The following CACNA1H variants were observed in gnomAD, a reference collection of about 807,000 sequenced individuals.
The protein encoded by CACNA1H is voltage-dependent T-type calcium channel subunit alpha-1H.
In CACNA1H, 149 loss-of-function variants were observed where a neutral mutation model predicts 192.5. That is an observed-to-expected ratio of 0.77 (90% CI 0.68 to 0.89). CACNA1H has a LOEUF of 0.89. Ranked by LOEUF, CACNA1H falls within the 40% of genes least tolerant of loss-of-function variation. The pLI is 0.00. For synonymous variants in CACNA1H, 2,202 were observed against 1,475.2 expected (o/e 1.49, Z -11.29); for missense variants, 4,257 against 3,423.5 (o/e 1.24, Z -6.08).
At chr16:1,203,298 C>T (rs997480090) in intron 9 of CACNA1H, among the ~76,000 whole-genome samples, 3 of 152,314 alleles carry the variant, frequency 2.0e-5, no homozygotes, top group African/African-American at 4.8e-5. Flanking sequence ...ATGTCAGTTT[C>T]GTGTTGGAGT....
At chr16:1,213,711 T>C (rs1969726511) in intron 26 of CACNA1H, 69 bp from the exon 27 acceptor site, 4 of 1,253,498 alleles carry the variant, frequency 3.2e-6, no homozygotes, top group South Asian at 3.2e-5. Context: ...AGGAGGAGAA[T>C]GGAGTCTGCA....
intron 2 of CACNA1H, among the ~76,000 whole-genome samples, chr16:1,154,718 G>A (rs1272439024): frequency 6.6e-6 from 1 of 152,198 alleles, no homozygotes; most frequent in Non-Finnish European, 1.5e-5. Flanking sequence ...CCCCTTCCCT[G>A]GCTGGAGAGG....
At chr16:1,168,296 C>G (rs1345611839) in intron 2 of CACNA1H, among the ~76,000 whole-genome samples, 1 of 152,134 alleles carries the variant, frequency 6.6e-6, no homozygotes, top group African/African-American at 2.4e-5. Flanking sequence ...CTCCTCCCTC[C>G]TAGGGCCTGA....
chr16:1,210,684 C>A, intron 20 of CACNA1H, 33 bp downstream of exon 20: 1 of 1,593,630 alleles, frequency 6.3e-7, no homozygotes, highest in Non-Finnish European at 8.5e-7. Flanking sequence ...CCCTTGTTCC[C>A]AGGTCCCCGT....
chr16:1,196,937 C>A (rs1032773034), intron 5 of CACNA1H, among the ~76,000 whole-genome samples: 1 of 151,732 alleles, frequency 6.6e-6, no homozygotes, highest in African/African-American at 2.4e-5. Context: ...AGATGTGGCC[C>A]CGTGTGTGCA....
rs1031240169 is a variant in CACNA1H at position 1,200,789 on chromosome 16, A to G, written c.1193A>G (p.Tyr398Cys). 8 of 1,552,064 alleles carry G rather than the reference A, an allele frequency of 5.2e-6. No homozygotes were observed. The highest frequency in any genetic ancestry group is 2.0e-5 in the Admixed American group (1 of 51,108). The change falls in exon 8 of 35, where the codon TAT (tyrosine) becomes TGT (cysteine). Residue 398 changes from tyrosine to cysteine, a missense_variant. Tyr to Cys is a radical substitution (Grantham distance 194). Coordinates refer to ENST00000348261, the MANE Select transcript of CACNA1H (RefSeq NM_021098.3). ...GCCCACTCATTCTACAACTTCATCTATTTCATCCTGCTCATCATCGTGAGT... is the reference window on the plus strand; with the variant it reads ...GCCCACTCATTCTACAACTTCATCTGTTTCATCCTGCTCATCATCGTGAGT... ...MDAHSFYNFI[Y>C]FILLIIVGSF...
At chr16:1,153,656 C>T (rs1596270175) in intron 1 of CACNA1H, 64 bp from the exon 2 acceptor site, 3 of 1,048,626 alleles carry the variant, frequency 2.9e-6, no homozygotes, top group Non-Finnish European at 2.4e-6. Flanking sequence ...CCCGCAGCTC[C>T]GCGCCGCGGG....
At position 1,210,823 on chromosome 16, in the gene CACNA1H, T is replaced by C; in HGVS notation, c.4075T>C (p.Tyr1359His). The C allele has an allele frequency of 6.2e-7, 1 of 1,603,600 alleles. No homozygotes were observed. Among genetic ancestry groups the C allele is most frequent in the Non-Finnish European group, 8.5e-7 (1 of 1,179,730 alleles). ...GGGGCTGCTGTCCGGCGAGCACGCC[T>C]ACCTGCAGAGCAGCTGGAACCTGCT... is the stretch of plus-strand genomic sequence containing the variant. ...ALGLLSGEHA[Y>H]LQSSWNLLDG... The change falls in exon 21 of 35, where the codon TAC becomes CAC. Residue 1359 changes from tyrosine (Y) to histidine (H), a missense_variant. Tyr to His is a moderately conservative substitution (Grantham distance 83, BLOSUM62 2). Coordinates refer to ENST00000348261, the MANE Select transcript of CACNA1H (RefSeq NM_021098.3).
chr16:1,153,689 C>G (rs567830090), intron 1 of CACNA1H, 31 bp from the exon 2 acceptor site: 1 of 1,177,046 alleles, frequency 8.5e-7, no homozygotes, highest in South Asian at 4.3e-5. Flanking sequence ...GGCGTCGCCA[C>G]CGGCCCCGGG....
chr16:1,205,285 C>A lies in CACNA1H; in HGVS notation c.2603+20C>A, dbSNP rs57600685. The A allele has an allele frequency of 3.2e-3, 5,092 of 1,584,406 alleles. 16 individuals are homozygous for A. The highest frequency in any genetic ancestry group is 4.0e-3 in the Non-Finnish European group (4,656 of 1,159,760). ...CATCAGGTGGGTCCCCACCCTCTCC[C>A]CAGGAAGAGGGGCCCGGGAAGCTCC... On this transcript the variant is annotated intron_variant, in intron 11 of 34. Coordinates refer to ENST00000348261, the MANE Select transcript of CACNA1H (RefSeq NM_021098.3).
chr16:1,216,016 C>G (rs532975227), intron 30 of CACNA1H, among the ~76,000 whole-genome samples: 2 of 152,136 alleles, frequency 1.3e-5, no homozygotes, highest in African/African-American at 4.8e-5. Flanking sequence ...CTGGCCCCTG[C>G]CCAGATCCTT....
intron 6 of CACNA1H, 173 bp downstream of exon 6, chr16:1,198,947 C>G: frequency 3.2e-6 from 2 of 629,780 alleles, no homozygotes; most frequent in Non-Finnish European, 2.7e-6. Flanking sequence ...CCGCCCCCAC[C>G]CCCCATCATG....
chr16:1,166,734 G>T (rs540443020), intron 2 of CACNA1H, among the ~76,000 whole-genome samples: 24 of 152,086 alleles, frequency 1.6e-4, no homozygotes, highest in Non-Finnish European at 3.4e-4. Context: ...GCTTTGTGCG[G>T]GCCGGTCGTC....
At chr16:1,186,491 T>C (rs961915743) in intron 2 of CACNA1H, among the ~76,000 whole-genome samples, 2 of 152,080 alleles carry the variant, frequency 1.3e-5, no homozygotes, top group Non-Finnish European at 2.9e-5. Flanking sequence ...GCCCACGTCC[T>C]GAGTGCCCTC....
At chr16:1,208,927 C>T in intron 16 of CACNA1H, 105 bp from the exon 17 acceptor site, 1 of 1,201,394 alleles carries the variant, frequency 8.3e-7, no homozygotes, top group East Asian at 3.0e-5. Context: ...CGGGGCTATG[C>T]ATTAAATGAT....
chr16:1,199,806 G>GCCTCCTTTCCCTCACCCCAGGCTTC (rs557083152), intron 6 of CACNA1H, among the ~76,000 whole-genome samples: 1 of 151,248 alleles, frequency 6.6e-6, no homozygotes, highest in African/African-American at 2.4e-5. Context: ...CCCCAGGGCT[G>GCCTCCTTTCCCTCACCCCAGGCTTC]CCTCCTTTCC....
intron 29 of CACNA1H, 66 bp downstream of exon 29, chr16:1,215,441 G>GGT: frequency 1.4e-6 from 1 of 692,030 alleles, no homozygotes; most frequent in Non-Finnish European, 2.4e-6. Flanking sequence ...CCATGGGTGG[G>GGT]AGTGAGGGGC....
chr16:1,182,256 A>G (rs1473124948), intron 2 of CACNA1H, among the ~76,000 whole-genome samples: 3 of 152,174 alleles, frequency 2.0e-5, no homozygotes, highest in East Asian at 1.9e-4. Context: ...CCTGGCGGAC[A>G]TAGAGGCGGA....
chr16:1,170,852 C>T (rs571709199), intron 2 of CACNA1H, among the ~76,000 whole-genome samples: 1 of 152,252 alleles, frequency 6.6e-6, no homozygotes, highest in Non-Finnish European at 1.5e-5. Context: ...TGGGTGCTGG[C>T]CCCGGTCCTG....
Sources: allele counts gnomAD v4.1 joint callset (sites outside exome capture counted in the v4.1 genomes callset), GRCh38; gene constraint gnomAD v4.1.1; transcripts MANE v1.5; gene names NCBI Gene and HGNC (gene_info 2026-07-23, HGNC 2026-07-21).